CACNA2D3: variants seen among roughly 807,000 people sequenced by gnomAD.
CACNA2D3 encodes the protein calcium voltage-gated channel auxiliary subunit alpha2delta 3.
CACNA2D3 carries 60 observed loss-of-function variants against 160.6 expected under a neutral mutation model. The observed-to-expected ratio is 0.37, with a 90% confidence interval of 0.30 to 0.46. The LOEUF (loss-of-function observed/expected upper bound fraction) is 0.46. CACNA2D3 is among the 20% of genes least tolerant of loss of function. CACNA2D3 has a pLI of 1.00. For synonymous variants in CACNA2D3, 558 were observed against 492.9 expected (o/e 1.13, Z -1.75); for missense variants, 1,205 against 1,365.0 (o/e 0.88, Z 1.85).
chr3:54,924,711 C>G, intron 27 of CACNA2D3: 1 of 1,614,156 alleles, frequency 6.2e-7, no homozygotes, highest in Non-Finnish European at 8.5e-7. Flanking sequence ...AAGCCTCACA[C>G]TGGGCATGGA....
chr3:54,448,414 A>G (rs1700255923), intron 4 of CACNA2D3, among the ~76,000 whole-genome samples: 2 of 152,270 alleles, frequency 1.3e-5, no homozygotes, highest in African/African-American at 4.8e-5. Flanking sequence ...AATCCAAACA[A>G]TGTCGTCAGG....
chr3:54,400,707 C>G (rs571053628), intron 4 of CACNA2D3, among the ~76,000 whole-genome samples: 6 of 152,276 alleles, frequency 3.9e-5, no homozygotes, highest in East Asian at 1.9e-4. Flanking sequence ...TCACCATGCC[C>G]TACCAAATTG....
intron 13 of CACNA2D3, among the ~76,000 whole-genome samples, chr3:54,769,082 C>T (rs1702271075): frequency 6.6e-6 from 1 of 152,130 alleles, no homozygotes; most frequent in African/African-American, 2.4e-5. Context: ...GACCTGGATT[C>T]TGCCAGGACA....
intron 27 of CACNA2D3, chr3:54,925,046 A>G (rs1281622977): frequency 6.2e-7 from 1 of 1,614,198 alleles, no homozygotes; most frequent in Non-Finnish European, 8.5e-7. Context: ...GTATCTGATT[A>G]TCTTGTAAAT....
intron 27 of CACNA2D3, among the ~76,000 whole-genome samples, chr3:54,903,354 A>G (rs755867628): frequency 3.0e-4 from 46 of 152,178 alleles, no homozygotes; most frequent in Non-Finnish European, 5.0e-4. Flanking sequence ...ATGGCCTGCA[A>G]TTCCATCTGT....
intron 9 of CACNA2D3, among the ~76,000 whole-genome samples, chr3:54,609,403 CAGAT>C (rs915546106): frequency 2.6e-5 from 4 of 152,330 alleles, no homozygotes; most frequent in East Asian, 3.9e-4. Flanking sequence ...GAGGGAAACT[CAGAT>C]AGACTCTAAA....
intron 2 of CACNA2D3, among the ~76,000 whole-genome samples, chr3:54,299,469 T>C (rs1575380193): frequency 6.6e-6 from 1 of 152,228 alleles, no homozygotes; most frequent in Admixed American, 6.5e-5. Flanking sequence ...TGGCTGATGT[T>C]CCAGTCTTTT....
intron 13 of CACNA2D3, among the ~76,000 whole-genome samples, chr3:54,808,399 A>T (rs1353337022): frequency 2.0e-5 from 3 of 151,998 alleles, no homozygotes; most frequent in African/African-American, 7.3e-5. Context: ...GGCCTATTTG[A>T]TGATCTTTCC....
chr3:54,794,123 AC>A (rs1291021846), intron 13 of CACNA2D3, among the ~76,000 whole-genome samples: 4 of 152,182 alleles, frequency 2.6e-5, no homozygotes, highest in Non-Finnish European at 5.9e-5. Flanking sequence ...ACACATATAT[AC>A]ATGCATGTAT....
At chr3:54,256,353 G>A (rs566289806) in intron 2 of CACNA2D3, among the ~76,000 whole-genome samples, 44 of 152,232 alleles carry the variant, frequency 2.9e-4, no homozygotes, top group African/African-American at 9.4e-4. Context: ...ACTGCTCAAG[G>A]TCATCGCCAA....
intron 4 of CACNA2D3, among the ~76,000 whole-genome samples, chr3:54,464,008 A>G (rs1413170256): frequency 6.6e-6 from 1 of 152,238 alleles, no homozygotes; most frequent in African/African-American, 2.4e-5. Context: ...CCTCAGCTGC[A>G]GGTCTGTTGG....
chr3:54,954,551 G>T (rs1013725910), intron 27 of CACNA2D3, among the ~76,000 whole-genome samples: 3 of 152,182 alleles, frequency 2.0e-5, no homozygotes, highest in Non-Finnish European at 2.9e-5. Flanking sequence ...GCTTCCCTTT[G>T]ATTCTCTTCC....
intron 12 of CACNA2D3, among the ~76,000 whole-genome samples, chr3:54,764,010 G>T (rs1702170754): frequency 6.6e-6 from 1 of 150,762 alleles, no homozygotes; most frequent in African/African-American, 2.4e-5. Flanking sequence ...TTGCTTGACT[G>T]TATTTTCTAA....
intron 31 of CACNA2D3, among the ~76,000 whole-genome samples, chr3:54,998,668 TG>T (rs1209477762): frequency 1.3e-5 from 2 of 151,934 alleles, no homozygotes; most frequent in African/African-American, 2.4e-5. Context: ...ATAGCCTGTG[TG>T]GTTTATTCTT....
intron 17 of CACNA2D3, among the ~76,000 whole-genome samples, chr3:54,864,993 TGGCACCA>T (rs1699368210): frequency 6.6e-6 from 1 of 152,220 alleles, no homozygotes; most frequent in Non-Finnish European, 1.5e-5. Context: ...GCACAAAGCC[TGGCACCA>T]GAAACATTCA....
At chr3:54,958,483 C>G (rs1162397123) in intron 27 of CACNA2D3, among the ~76,000 whole-genome samples, 1 of 152,202 alleles carries the variant, frequency 6.6e-6, no homozygotes, top group African/African-American at 2.4e-5. Flanking sequence ...AGAAGTGTCT[C>G]AGAAAGAGGA....
At chr3:54,489,094 T>G in intron 4 of CACNA2D3, among the ~76,000 whole-genome samples, 1 of 151,482 alleles carries the variant, frequency 6.6e-6, no homozygotes, top group Non-Finnish European at 1.5e-5. Flanking sequence ...AGTGGGGAGG[T>G]GGTGCTGGTG....
At chr3:54,809,411 C>T (rs1358365291) in intron 13 of CACNA2D3, among the ~76,000 whole-genome samples, 3 of 138,286 alleles carry the variant, frequency 2.2e-5, no homozygotes, top group African/African-American at 3.1e-5. Flanking sequence ...CTCCGCTTCC[C>T]GGGTTCACGC....
Position 54,709,176 on chromosome 3 carries a change from A to ATT in CACNA2D3, c.1168-43414_1168-43413dup, listed in dbSNP as rs5849053. On this transcript the variant is annotated intron_variant, in intron 11 of 37. Coordinates refer to ENST00000474759, the MANE Select transcript of CACNA2D3 (RefSeq NM_018398.3). ...AGGTGCACACCACCATGCCTGACTA[A>ATT]TTTTTTTTTTGTATTTTTAGTAGAG... 1.1e-3 allele frequency among the ~76,000 whole-genome samples: 163 copies of ATT among 148,280 alleles called. 2 individuals are homozygous for ATT. The highest frequency in any genetic ancestry group is 3.9e-3 in the African/African-American group (156 of 40,486).
Sources: allele counts gnomAD v4.1 joint callset (sites outside exome capture counted in the v4.1 genomes callset), GRCh38; gene constraint gnomAD v4.1.1; transcripts MANE v1.5; gene names NCBI Gene and HGNC (gene_info 2026-07-23, HGNC 2026-07-21).